TET1: variants seen among roughly 807,000 people sequenced by gnomAD.
TET1 encodes the protein tet methylcytosine dioxygenase 1.
Under a neutral mutation model 148.7 loss-of-function variants are expected in TET1, and 13 were observed. The observed-to-expected ratio is 0.09, with a 90% CI of 0.06 to 0.14. TET1 has a LOEUF of 0.14. TET1 is among the 10% of genes least tolerant of loss of function. The pLI, the probability that TET1 is intolerant of heterozygous loss-of-function variation, is 1.00. For missense variants in TET1, 2,182 were observed against 2,553.8 expected (o/e 0.85, Z 3.14); for synonymous variants, 907 against 937.2 (o/e 0.97, Z 0.59).
intron 3 of TET1, among the ~76,000 whole-genome samples, chr10:68,608,515 G>T (rs1336285858): frequency 1.3e-5 from 2 of 151,742 alleles, no homozygotes; most frequent in African/African-American, 4.8e-5. Flanking sequence ...GATTATAGGC[G>T]TGAGCCACCG....
intron 6 of TET1, among the ~76,000 whole-genome samples, chr10:68,654,833 G>C (rs1422155126): frequency 6.6e-6 from 1 of 152,184 alleles, no homozygotes; most frequent in East Asian, 1.9e-4. Flanking sequence ...GCTCCTATGA[G>C]GATGCAATCA....
chr10:68,579,694 G>A (rs114168441), intron 2 of TET1, among the ~76,000 whole-genome samples: 179 of 152,260 alleles, frequency 1.2e-3, no homozygotes, highest in African/African-American at 4.1e-3. Context: ...CAGGGCCTTC[G>A]AATGATTAGA....
rs1371420247 is a variant in TET1, at chr10:68,651,832, T to C, written c.4277-14T>C. ...TGTAAAGCTTTGGGTCTAATAATCT[T>C]ATTCCTTCCACAGATCGAGTTATAC... On this transcript the variant is annotated splice_polypyrimidine_tract_variant and intron_variant, in intron 4 of 11. Transcript: ENST00000373644. 1 of 1,602,806 alleles carries C rather than the reference T, an allele frequency of 6.2e-7. No individual in the cohort carries two copies. Among genetic ancestry groups the C allele is most frequent in the South Asian group, 1.1e-5 (1 of 89,544 alleles).
At chr10:68,600,893 T>A in intron 2 of TET1, 88 bp from the exon 3 acceptor site, 3 of 1,060,630 alleles carry the variant, frequency 2.8e-6, no homozygotes, top group Non-Finnish European at 4.3e-6. Flanking sequence ...TAAATAGTTT[T>A]ACAGAGAAAT....
intron 7 of TET1, among the ~76,000 whole-genome samples, chr10:68,671,671 C>A (rs760210717): frequency 1.3e-5 from 2 of 152,324 alleles, no homozygotes; most frequent in Non-Finnish European, 2.9e-5. Context: ...TAGAAATGCC[C>A]TAAAAGTTAT....
chr10:68,666,279 A>G (rs930128503), intron 6 of TET1, among the ~76,000 whole-genome samples: 27 of 152,312 alleles, frequency 1.8e-4, no homozygotes, highest in African/African-American at 6.5e-4. Flanking sequence ...AGTAGACCAC[A>G]TTAGTCTTAT....
intron 3 of TET1, among the ~76,000 whole-genome samples, chr10:68,628,149 G>A (rs2054514664): frequency 6.6e-6 from 1 of 152,156 alleles, no homozygotes; most frequent in African/African-American, 2.4e-5. Context: ...GTTTCGCCAT[G>A]TTGGCCAGGC....
At chr10:68,668,266 A>G (rs900266699) in intron 7 of TET1, among the ~76,000 whole-genome samples, 18 of 152,184 alleles carry the variant, frequency 1.2e-4, no homozygotes, top group African/African-American at 4.3e-4. Context: ...TTTTGATGCA[A>G]TCAAACATAC....
chr10:68,644,856 G>A lies in TET1; in HGVS notation c.2127G>A (p.Lys709=). The A allele has an allele frequency of 6.2e-7, 1 of 1,613,846 alleles. No homozygotes were observed. Among genetic ancestry groups the A allele is most frequent in the Non-Finnish European group, 8.5e-7 (1 of 1,179,896 alleles). ...GCATGACAGGCATCGAGGTGGAGAA[G>A]TGGACACAAAACAAGAAATCACAGT... ...EDSMTGIEVE[K]WTQNKKSQLT... is the part of the protein sequence containing the mutation. Residue 709 remains lysine (K), a synonymous_variant, in exon 4 of 12, where the codon AAG becomes AAA. Coordinates refer to ENST00000373644, the MANE Select transcript of TET1 (RefSeq NM_030625.3).
Position 68,692,904 on chromosome 10 carries a change from T to C in TET1, c.*1090T>C. On this transcript the variant is annotated 3_prime_UTR_variant, in exon 12 of 12. Coordinates refer to ENST00000373644, the MANE Select transcript of TET1 (RefSeq NM_030625.3). ...AAGGTGATAAAATACAAAAACTAAG[T>C]AGACAGATATTTGTACTGAAGTCTG... 1 of 231,256 alleles carries C rather than the reference T, an allele frequency of 4.3e-6. No homozygotes were observed. Among genetic ancestry groups the C allele is most frequent in the Non-Finnish European group, 8.5e-6 (1 of 117,158 alleles). The allele number at this position is 231,256 out of a possible 1,614,324, so 14.3% of individuals were successfully genotyped here. A position where few individuals can be genotyped will look rare whatever the true frequency, so the allele number is the denominator to read the frequency against.
At chr10:68,621,919 G>C (rs1468644828) in intron 3 of TET1, among the ~76,000 whole-genome samples, 3 of 152,034 alleles carry the variant, frequency 2.0e-5, no homozygotes, top group South Asian at 2.1e-4. Flanking sequence ...TTATATGTTT[G>C]TCTTTTTTTT....
chr10:68,592,466 CAAT>C (rs1197240492), intron 2 of TET1, among the ~76,000 whole-genome samples: 1 of 152,098 alleles, frequency 6.6e-6, no homozygotes, highest in Non-Finnish European at 1.5e-5. Flanking sequence ...TTCAAAGAAA[CAAT>C]TATGGACAAT....
chr10:68,593,915 A>AATTTTT (rs2053948314), intron 2 of TET1, among the ~76,000 whole-genome samples: 1 of 44,724 alleles, frequency 2.2e-5, no homozygotes, highest in African/African-American at 8.4e-5. Flanking sequence ...CGCCTGAGCT[A>AATTTTT]TTTTTTTTTT....
chr10:68,629,511 C>T (rs934806566), intron 3 of TET1, among the ~76,000 whole-genome samples: 1 of 151,508 alleles, frequency 6.6e-6, no homozygotes, highest in Non-Finnish European at 1.5e-5. Context: ...TTTAATATTG[C>T]CTTAAATAAA....
chr10:68,611,308 C>T (rs2054206487), intron 3 of TET1, among the ~76,000 whole-genome samples: 1 of 151,464 alleles, frequency 6.6e-6, no homozygotes, highest in Non-Finnish European at 1.5e-5. Flanking sequence ...AAAAAGTGAC[C>T]TTTCCAAAAA....
chr10:68,658,688 A>G (rs770984957), intron 6 of TET1, among the ~76,000 whole-genome samples: 1 of 152,022 alleles, frequency 6.6e-6, no homozygotes, highest in Non-Finnish European at 1.5e-5. Context: ...GTCACTTTGG[A>G]TCTTGTCAGA....
intron 8 of TET1, among the ~76,000 whole-genome samples, chr10:68,676,202 A>T (rs1213363469): frequency 1.9e-5 from 2 of 106,558 alleles, no homozygotes; most frequent in Non-Finnish European, 4.0e-5. Context: ...CAAGATATAT[A>T]TGTATATATA....
chr10:68,656,034 C>T (rs537295311), intron 6 of TET1, among the ~76,000 whole-genome samples: 78 of 152,232 alleles, frequency 5.1e-4, no homozygotes, highest in African/African-American at 1.7e-3. Context: ...TTGTGCTCTC[C>T]TTATGAGAAT....
At chr10:68,635,965 G>T (rs1325441343) in intron 3 of TET1, among the ~76,000 whole-genome samples, 1 of 152,178 alleles carries the variant, frequency 6.6e-6, no homozygotes, top group Non-Finnish European at 1.5e-5. Context: ...CTCCTTGGAG[G>T]TCTACAAACC....
Sources: allele counts gnomAD v4.1 joint callset (sites outside exome capture counted in the v4.1 genomes callset), GRCh38; gene constraint gnomAD v4.1.1; transcripts MANE v1.5; gene names NCBI Gene and HGNC (gene_info 2026-07-23, HGNC 2026-07-21).